Variants in FASTKD3 observed in about 807,000 individuals in gnomAD.
The protein encoded by FASTKD3 is FAST kinase domain-containing protein 3, mitochondrial.
In FASTKD3, 47 loss-of-function variants were observed where a neutral mutation model predicts 49.7. That is an observed-to-expected ratio of 0.95 (90% confidence interval 0.75 to 1.21). The LOEUF is 1.21. Among genes scored for constraint, FASTKD3 ranks in the 50% most tolerant of loss-of-function variants. The pLI is 0.00. For missense variants in FASTKD3, 748 were observed against 765.7 expected, an observed-to-expected ratio of 0.98 and a Z score of 0.27; for synonymous variants, 284 against 288.6, an observed-to-expected ratio of 0.98 and a Z score of 0.16.
At chr5:7,862,723 T>G in intron 4 of FASTKD3, 100 bp downstream of exon 4, 2 of 1,017,662 alleles carry the variant, frequency 2.0e-6, no homozygotes, top group Non-Finnish European at 2.9e-6. Context: ...CATTCCATTT[T>G]GCATTTCCAG....
At position 7,860,004 on chromosome 5, in the gene FASTKD3, C is replaced by T. The variant is rs557434524; in HGVS notation, c.1885-465G>A. 7.6e-4 allele frequency among the ~76,000 whole-genome samples: 115 copies of T among 152,100 alleles called. 5 individuals carry two copies. In the South Asian group the frequency reaches 0.022, roughly 29 times the overall value. On this transcript the variant is annotated intron_variant, in intron 6 of 6. Transcript: ENST00000264669. ...GAATGAAGAGGGAGAGAGCAGGAGGCGCAGCAAAGGAGAGAGTCTGCTCAG... is the reference window on the plus strand; with the variant it reads ...GAATGAAGAGGGAGAGAGCAGGAGGTGCAGCAAAGGAGAGAGTCTGCTCAG...
chr5:7,868,634 G>T (rs1747251994), intron 1 of FASTKD3, among the ~76,000 whole-genome samples: 1 of 152,204 alleles, frequency 6.6e-6, no homozygotes, highest in Non-Finnish European at 1.5e-5. Context: ...GGTGTCGGGA[G>T]AAGGTTAGTG....
At position 7,868,166 on chromosome 5, in the gene FASTKD3, C is replaced by T; in HGVS notation, c.-83G>A. 6.4e-6 allele frequency: 3 copies of T among 471,258 alleles called. No individual in the cohort carries two copies. Among genetic ancestry groups the T allele is most frequent in the Non-Finnish European group, 1.0e-5 (3 of 298,036 alleles). The allele number at this position is 471,258 out of a possible 1,614,324, so 29.2% of individuals were successfully genotyped here. ...TACATTGAGAACATGATTGACCCAA[C>T]ATCAATGTTTATGAAACTACAAACG... On this transcript the variant is annotated 5_prime_UTR_variant, in exon 2 of 7. It removes an upstream start codon present in the reference 5' UTR. Transcript: ENST00000264669.
At chr5:7,868,651 GA>G (rs1321227212) in intron 1 of FASTKD3, among the ~76,000 whole-genome samples, 1 of 152,186 alleles carries the variant, frequency 6.6e-6, no homozygotes, top group Non-Finnish European at 1.5e-5. Flanking sequence ...AGTGTTGAAG[GA>G]AAGGGTCTAC....
chr5:7,864,869 T>A (rs1746824136), intron 3 of FASTKD3, among the ~76,000 whole-genome samples: 1 of 149,018 alleles, frequency 6.7e-6, no homozygotes, highest in Non-Finnish European at 1.5e-5. Flanking sequence ...TTTTTGGGAA[T>A]CTAGTTTATA....
intron 2 of FASTKD3, 55 bp downstream of exon 2, chr5:7,866,591 A>G: frequency 7.6e-7 from 1 of 1,322,146 alleles, no homozygotes; most frequent in Non-Finnish European, 1.0e-6. Flanking sequence ...ACTTGAAACC[A>G]CTGCCAGTTC....
At position 7,862,928 on chromosome 5, in the gene FASTKD3, C is replaced by A. The variant is rs1384885603; in HGVS notation, c.1594G>T (p.Val532Leu). The A allele has an allele frequency of 6.2e-7, 1 of 1,613,982 alleles. No homozygotes were observed. The highest frequency in any genetic ancestry group is 1.1e-5 in the South Asian group (1 of 91,080). The stretch of plus-strand genomic sequence containing the variant: ...ACATATCTATAAAGCTGAGAATCCA[C>A]AGGGGTCTCCAGGGAACAGCATGGG... Reference protein sequence around the residue: ...LTPCCSLETPVDSQLYRYVKI... With the variant: ...LTPCCSLETPLDSQLYRYVKI... Residue 532 changes from valine to leucine, a missense_variant, in exon 4 of 7, where the codon GTG becomes TTG. Physicochemically the swap from Val to Leu is conservative, Grantham distance 32 (BLOSUM62 1). This residue lies in a region of FASTKD3 where 178 missense variants were observed against 182.2 expected (regional missense o/e 0.98). Coordinates refer to ENST00000264669, the MANE Select transcript of FASTKD3 (RefSeq NM_024091.4).
At position 7,859,447 on chromosome 5, in the gene FASTKD3, C is replaced by G; in HGVS notation, c.1977G>C (p.Trp659Cys). 6.3e-7 allele frequency: 1 copy of G among 1,596,208 alleles called. No individual in the cohort carries two copies. Among genetic ancestry groups the G allele is most frequent in the Non-Finnish European group, 8.6e-7 (1 of 1,168,740 alleles). Residue 659 changes from tryptophan (W) to cysteine (C), a missense_variant, in exon 7 of 7, where the codon TGG becomes TGC. Transcript: ENST00000264669. ...CTGAAGTCAGTATTCATTCTTGCAA[C>G]CAATGAACAGTGTTTTGAGAAAACA... ...RKLFSQNTVH[W>C]LQE
Position 7,866,877 on chromosome 5 carries a change from A to T in FASTKD3, c.1207T>A (p.Phe403Ile), listed in dbSNP as rs1274811436. ...AETFVCQTEK[F>I]SPRQISALME... The stretch of plus-strand genomic sequence containing the variant: ...AAGGCAGAAATCTGACGAGGTGAAA[A>T]TTTTTCTGTTTGGCAAACAAAAGTT... Residue 403 changes from phenylalanine to isoleucine, a missense_variant, in exon 2 of 7, where the codon TTT (phenylalanine) becomes ATT (isoleucine). Phe to Ile is a conservative substitution (Grantham distance 21). Transcript: ENST00000264669. 6.2e-7 allele frequency: 1 copy of T among 1,613,796 alleles called. No homozygotes were observed. The highest frequency in any genetic ancestry group is 2.2e-5 in the East Asian group (1 of 44,870).
rs752235876 is a variant in FASTKD3 at position 7,866,917 on chromosome 5, G to T, written c.1167C>A (p.Leu389=). The T allele has an allele frequency of 1.1e-5, 17 of 1,614,044 alleles. No homozygotes were observed. The Admixed American group carries it at 2.8e-4, about 27-fold the overall frequency. The change falls in exon 2 of 7, where the codon CTC becomes CTA. Residue 389 remains leucine, a synonymous_variant. Transcript: ENST00000264669. ...AAACAAAAGTTTCTGCCACTGCATT[G>T]AGGATGGGTTTTGAAAGAATCAGTT... is the stretch of plus-strand genomic sequence containing the variant. ...SRELILSKPI[L]NAVAETFVCQ... is the part of the protein sequence containing the mutation.
chr5:7,865,994 A>G lies in FASTKD3; in HGVS notation c.1439-11T>C. On this transcript the variant is annotated splice_polypyrimidine_tract_variant and intron_variant, in intron 2 of 6. Coordinates refer to ENST00000264669, the MANE Select transcript of FASTKD3 (RefSeq NM_024091.4). ...AATGAGATTCTTTACCTGAAACAGA[A>G]AGCATCCCAGTCATAGTTACGTCTG... is the stretch of plus-strand genomic sequence containing the variant. 1 of 1,608,756 alleles carries G rather than the reference A, an allele frequency of 6.2e-7. No homozygotes were observed. Among genetic ancestry groups the G allele is most frequent in the Non-Finnish European group, 8.5e-7 (1 of 1,175,822 alleles).
At position 7,868,716 on chromosome 5, in the gene FASTKD3, G is replaced by A. The variant is rs531555187; in HGVS notation, c.-114+263C>T. Reference sequence around the variant, plus strand: ...AAAAAGCAAAACATAGATCAATGAAGGGAGAAGGTGGGGCGGCCAGTCCAG... The same window carrying A: ...AAAAAGCAAAACATAGATCAATGAAAGGAGAAGGTGGGGCGGCCAGTCCAG... On this transcript the variant is annotated intron_variant, in intron 1 of 6. Transcript: ENST00000264669. 2.0e-5 allele frequency among the ~76,000 whole-genome samples: 3 copies of A among 152,366 alleles called. No homozygotes were observed. In the East Asian group the frequency reaches 5.8e-4, roughly 29 times the overall value.
chr5:7,864,746 A>G (rs1746814846), intron 3 of FASTKD3, among the ~76,000 whole-genome samples: 1 of 152,136 alleles, frequency 6.6e-6, no homozygotes, highest in Admixed American at 6.5e-5. Context: ...ACACTGCAAT[A>G]GAAGTGGAGG....
chr5:7,861,045 T>C lies in FASTKD3; in HGVS notation c.1884+104A>G, dbSNP rs970992109. 11 of 693,036 alleles carry C rather than the reference T, an allele frequency of 1.6e-5. No homozygotes were observed. In the Admixed American group the frequency reaches 2.1e-4, roughly 13 times the overall value. 42.9% of individuals were successfully genotyped at this position (693,036 alleles called of 1,614,324 possible). A position where few individuals can be genotyped will look rare whatever the true frequency, so the allele number is the denominator to read the frequency against. ...ATAATTGCTGCCTGATCAAATTCTT[T>C]AAAATTTTACTGTGCCTCAGATTAC... On this transcript the variant is annotated intron_variant, in intron 6 of 6. Coordinates refer to ENST00000264669, the MANE Select transcript of FASTKD3 (RefSeq NM_024091.4).
In FASTKD3 at chr5:7,867,452, C is replaced by A. The variant is rs564192876; in HGVS notation, c.632G>T (p.Gly211Val). The A allele has an allele frequency of 4.1e-5, 66 of 1,614,202 alleles. No homozygotes were observed. In the South Asian group the frequency reaches 6.6e-4, roughly 16 times the overall value. ...VAECQNRLRK[G>V]GMEVRNLCIL... ...ACAAAGATTGCGAACTTCCATGCCA[C>A]CTTTTCTGAGACGATTTTGGCATTC... is the stretch of plus-strand genomic sequence containing the variant. The change falls in exon 2 of 7, where the codon GGT (glycine) becomes GTT (valine). Residue 211 changes from glycine to valine, a missense_variant. Gly to Val is a moderately radical substitution (Grantham distance 109, BLOSUM62 -3). This residue lies in a region of FASTKD3 where 564 missense variants were observed against 562.8 expected (regional missense o/e 1.00). Coordinates refer to ENST00000264669, the MANE Select transcript of FASTKD3 (RefSeq NM_024091.4).
Position 7,859,304 on chromosome 5 carries a change from C to G in FASTKD3, c.*131G>C, listed in dbSNP as rs979259120. ...AAATGTATACATAGTATAAGGAAAA[C>G]TACAGATGCTTTCAGATCACCAGTC... On this transcript the variant is annotated 3_prime_UTR_variant, in exon 7 of 7. Transcript: ENST00000264669. 7 of 503,532 alleles carry G rather than the reference C, an allele frequency of 1.4e-5. No homozygotes were observed. Among genetic ancestry groups the G allele is most frequent in the Non-Finnish European group, 2.4e-5 (7 of 285,776 alleles). 31.2% of individuals were successfully genotyped at this position (503,532 alleles called of 1,614,324 possible).
At chr5:7,861,881 C>T in intron 4 of FASTKD3, 2 of 796,268 alleles carry the variant, frequency 2.5e-6, no homozygotes, top group South Asian at 3.1e-5. Flanking sequence ...CGCTAAACCA[C>T]AGAATGGGTT....
chr5:7,861,888 G>T, intron 4 of FASTKD3: 1 of 693,062 alleles, frequency 1.4e-6, no homozygotes, highest in Non-Finnish European at 2.0e-6. Context: ...CCACAGAATG[G>T]GTTCTGAAGT....
At position 7,862,974 on chromosome 5, in the gene FASTKD3, A is replaced by G; in HGVS notation, c.1548T>C (p.Tyr516=). The change falls in exon 4 of 7, where the codon TAT becomes TAC. Residue 516 remains tyrosine (Y), a synonymous_variant. Coordinates refer to ENST00000264669, the MANE Select transcript of FASTKD3 (RefSeq NM_024091.4). ...FYKGPKLLPK[Y]QVKSFLTPCC... Reference sequence around the variant, plus strand: ...ATGGGGTAAGAAATGACTTCACTTGATATTTAGGAAGGAGTTTTGGACCCT... The same window carrying G: ...ATGGGGTAAGAAATGACTTCACTTGGTATTTAGGAAGGAGTTTTGGACCCT... 1 of 1,613,870 alleles carries G rather than the reference A, an allele frequency of 6.2e-7. No homozygotes were observed. Among genetic ancestry groups the G allele is most frequent in the Non-Finnish European group, 8.5e-7 (1 of 1,179,890 alleles).
Sources: gnomAD v4.1 joint callset for allele counts (sites outside exome capture counted in the v4.1 genomes callset) on GRCh38, gnomAD v4.1.1 for gene constraint, gnomAD v4.1.1 regional missense constraint, MANE v1.5 for transcripts, NCBI Gene and HGNC (gene_info 2026-07-23, HGNC 2026-07-21) for gene names.